Variants in SQSTM1 observed in about 807,000 individuals in gnomAD.
The protein encoded by SQSTM1 is sequestosome-1.
In SQSTM1, 36 loss-of-function variants were observed where a neutral mutation model predicts 45.1. The observed-to-expected ratio is 0.80, with a 90% CI of 0.61 to 1.05. The LOEUF (loss-of-function observed/expected upper bound fraction) is 1.05. Among genes scored for constraint, SQSTM1 ranks in the 50% least tolerant of loss-of-function variants. SQSTM1 has a pLI of 0.00. For missense variants in SQSTM1, 617 were observed against 607.1 expected (o/e 1.02, Z -0.17); for synonymous variants, 290 against 244.3 (o/e 1.19, Z -1.74).
chr5:179,822,346 G>A (rs896261095), intron 1 of SQSTM1: 3 of 171,882 alleles, frequency 1.7e-5, no homozygotes, highest in Non-Finnish European at 3.8e-5. Context: ...CATTTGGGTT[G>A]TTTGCATCTT....
At chr5:179,811,693 T>C (rs1226476605) in intron 2 of SQSTM1, 5 of 152,166 alleles carry the variant, frequency 3.3e-5, no homozygotes, top group African/African-American at 1.2e-4. Flanking sequence ...GTGAGTGAGA[T>C]GCAAACCAAG....
chr5:179,813,449 A>C (rs1044400080), intron 2 of SQSTM1: 3 of 152,204 alleles, frequency 2.0e-5, no homozygotes, highest in African/African-American at 7.2e-5. Context: ...TTGGGTTTTG[A>C]CCTTTGAAGC....
intron 2 of SQSTM1, chr5:179,812,263 C>G (rs947088187): frequency 6.6e-5 from 10 of 152,306 alleles, no homozygotes; most frequent in African/African-American, 2.4e-4. Context: ...AGGGCCCCCA[C>G]TGGGTGCCTC....
intron 2 of SQSTM1, chr5:179,812,920 T>G (rs886273632): frequency 6.6e-6 from 1 of 152,114 alleles, no homozygotes; most frequent in Non-Finnish European, 1.5e-5. Context: ...TGGCCGTGTT[T>G]TTATATTTTG....
intron 6 of SQSTM1, 64 bp from the exon 7 acceptor site, chr5:179,833,523 G>A: frequency 1.3e-6 from 2 of 1,573,556 alleles, no homozygotes; most frequent in Non-Finnish European, 1.7e-6. Context: ...CAGGAGCCAG[G>A]GCCATGGTCA....
intron 1 of SQSTM1, among the ~76,000 whole-genome samples, chr5:179,809,558 C>G (rs188646159): frequency 0.011 from 1,706 of 149,612 alleles, 18 homozygotes; most frequent in Non-Finnish European, 0.019. Flanking sequence ...AGGCTGGTCT[C>G]AAACTCCTGA....
intron 1 of SQSTM1, among the ~76,000 whole-genome samples, chr5:179,809,904 A>T (rs912357044): frequency 1.3e-5 from 2 of 151,802 alleles, no homozygotes; most frequent in African/African-American, 4.8e-5. Context: ...TCAGCCTCCC[A>T]AAGTGCTGGG....
Position 179,829,056 on chromosome 5 carries a change from G to A in SQSTM1, c.754+3830G>A, listed in dbSNP as rs191643902. ...AAGGGGGGAGGGTTGAAAACCTCTA[G>A]GGAGTGTCAGCTAGAGACTTCAGGG... On this transcript the variant is annotated intron_variant, in intron 5 of 7. Coordinates refer to ENST00000389805, the MANE Select transcript of SQSTM1 (RefSeq NM_003900.5). 2.6e-5 allele frequency among the ~76,000 whole-genome samples: 4 copies of A among 152,348 alleles called. No individual in the cohort carries two copies. In the East Asian group the frequency reaches 7.7e-4, roughly 29 times the overall value.
intron 5 of SQSTM1, among the ~76,000 whole-genome samples, chr5:179,831,343 G>A (rs976677023): frequency 5.3e-5 from 8 of 152,190 alleles, no homozygotes; most frequent in Non-Finnish European, 1.5e-5. Flanking sequence ...TGCTGTGGGA[G>A]AACATAGGGA....
chr5:179,836,038 T>C, intron 7 of SQSTM1: 1 of 305,622 alleles, frequency 3.3e-6, no homozygotes, highest in South Asian at 3.5e-5. Context: ...CTCCAAAATG[T>C]ATCTTGTATC....
chr5:179,820,797 C>T (rs940933229), upstream of SQSTM1: 13 of 814,128 alleles, frequency 1.6e-5, no homozygotes, highest in South Asian at 2.5e-4. Flanking sequence ...GCTCTCGCGC[C>T]GCGACGACGG....
chr5:179,831,885 G>A (rs1166221551), intron 5 of SQSTM1, among the ~76,000 whole-genome samples: 1 of 151,570 alleles, frequency 6.6e-6, no homozygotes, highest in Non-Finnish European at 1.5e-5. Context: ...CCAGGTTCAA[G>A]CGATTCTTCT....
chr5:179,833,491 TGCGTGCTCCCCG>T, intron 6 of SQSTM1, 84 bp from the exon 7 acceptor site: 3 of 1,337,966 alleles, frequency 2.2e-6, no homozygotes, highest in Non-Finnish European at 3.2e-6. Context: ...CACGTGTGCA[TGCGTGCTCCCCG>T]ACTGTCTGCC....
intron 5 of SQSTM1, 85 bp downstream of exon 5, chr5:179,825,311 T>C: frequency 8.5e-7 from 1 of 1,170,356 alleles, no homozygotes; most frequent in Non-Finnish European, 1.3e-6. Context: ...AAGGAATGGG[T>C]AATTGACATG....
At chr5:179,809,283 C>G (rs1284783362) in intron 1 of SQSTM1, among the ~76,000 whole-genome samples, 6 of 145,520 alleles carry the variant, frequency 4.1e-5, no homozygotes, top group African/African-American at 1.0e-4. Flanking sequence ...CTCAGCCTCC[C>G]GAGTAGCTGG....
At chr5:179,832,402 C>T (rs868579550) in intron 5 of SQSTM1, among the ~76,000 whole-genome samples, 6 of 152,226 alleles carry the variant, frequency 3.9e-5, no homozygotes, top group African/African-American at 1.4e-4. Context: ...CCTGTGGGGC[C>T]AGCGTTGGGC....
At chr5:179,809,766 C>T (rs936028787) in intron 1 of SQSTM1, among the ~76,000 whole-genome samples, 1 of 151,076 alleles carries the variant, frequency 6.6e-6, no homozygotes, top group Non-Finnish European at 1.5e-5. Context: ...GCCTCAGCCA[C>T]CTGAGTAGCT....
chr5:179,817,009 G>A (rs1757599958), upstream of SQSTM1, among the ~76,000 whole-genome samples: 1 of 152,154 alleles, frequency 6.6e-6, no homozygotes, highest in Non-Finnish European at 1.5e-5. Context: ...CCGGGGACTT[G>A]CGGGCCGGTG....
At chr5:179,821,686 C>T in intron 1 of SQSTM1, 1 of 368,864 alleles carries the variant, frequency 2.7e-6, no homozygotes, top group South Asian at 1.9e-5. Context: ...GCACGGATCG[C>T]CGGCGGAACG....
Sources: allele counts gnomAD v4.1 joint callset (sites outside exome capture counted in the v4.1 genomes callset), GRCh38; gene constraint gnomAD v4.1.1; transcripts MANE v1.5; gene names NCBI Gene and HGNC (gene_info 2026-07-23, HGNC 2026-07-21).